IGSF10: variants seen among roughly 807,000 people sequenced by gnomAD.
The protein encoded by IGSF10 is calvaria mechanical force protein 608.
In IGSF10, 126 loss-of-function variants were observed where a neutral mutation model predicts 128.2. The observed-to-expected ratio is 0.98, with a 90% CI of 0.85 to 1.14. The LOEUF (loss-of-function observed/expected upper bound fraction) is 1.14, where lower values mean the gene tolerates loss of function less well. IGSF10 is among the 50% of genes most tolerant of loss of function. The pLI is 0.00. For missense variants in IGSF10, 3,295 were observed against 3,149.8 expected (o/e 1.05, Z -1.10); for synonymous variants, 1,185 against 1,146.2 (o/e 1.03, Z -0.68).
the IGSF10 span, among the ~76,000 whole-genome samples, chr3:151,553,626 C>G: frequency 8.2e-5 from 12 of 146,384 alleles, no homozygotes; most frequent in African/African-American, 3.0e-4. Flanking sequence ...CTCTGTCTCT[C>G]TCTCTTTCTA....
At chr3:151,535,509 T>C in the IGSF10 span, among the ~76,000 whole-genome samples, 1 of 152,136 alleles carries the variant, frequency 6.6e-6, no homozygotes, top group Non-Finnish European at 1.5e-5. Context: ...ACTACCTGGG[T>C]GAAGGAATCA....
the IGSF10 span, among the ~76,000 whole-genome samples, chr3:151,479,863 T>C: frequency 6.6e-5 from 10 of 152,214 alleles, no homozygotes; most frequent in Non-Finnish European, 7.3e-5. Flanking sequence ...GTGACATTTC[T>C]AGTCTTATAC....
At chr3:151,615,959 T>C in the IGSF10 span, among the ~76,000 whole-genome samples, 11 of 145,900 alleles carry the variant, frequency 7.5e-5, no homozygotes, top group East Asian at 1.9e-4. Flanking sequence ...GTTTTGTTTT[T>C]TGAGGTTTTT....
chr3:151,590,469 T>C, the IGSF10 span, among the ~76,000 whole-genome samples: 1 of 152,188 alleles, frequency 6.6e-6, no homozygotes, highest in African/African-American at 2.4e-5. Flanking sequence ...ATGCAAGCAT[T>C]ATTGGAATGG....
the IGSF10 span, among the ~76,000 whole-genome samples, chr3:151,557,238 C>T: frequency 6.6e-6 from 1 of 152,138 alleles, no homozygotes; most frequent in African/African-American, 2.4e-5. Flanking sequence ...CTCAAACACC[C>T]TTCCTCTTCA....
At position 151,443,565 on chromosome 3, in the gene IGSF10, A is replaced by G. The variant is rs1720993467; in HGVS notation, c.5382T>C (p.Ser1794=). 1.1e-5 allele frequency: 18 copies of G among 1,614,218 alleles called. No homozygotes were observed. The highest frequency in any genetic ancestry group is 1.5e-5 in the Non-Finnish European group (18 of 1,180,026). The change falls in exon 7 of 8, where the codon AGT becomes AGC. Residue 1794 remains serine, a synonymous_variant. Transcript: ENST00000282466. The part of the protein sequence containing the change: ...QTVVSESSQG[S]RQAVVTVDGT... ...CGTCAACCGTCACCACAGCCTGCCTACTTCCCTGGGATGATTCTGAGACAA... is the reference window on the plus strand; with the variant it reads ...CGTCAACCGTCACCACAGCCTGCCTGCTTCCCTGGGATGATTCTGAGACAA...
the IGSF10 span, among the ~76,000 whole-genome samples, chr3:151,472,235 T>C: frequency 6.6e-6 from 1 of 152,222 alleles, no homozygotes; most frequent in Non-Finnish European, 1.5e-5. Flanking sequence ...CATTTACAGA[T>C]AGACTTCATT....
chr3:151,571,039 G>A, the IGSF10 span, among the ~76,000 whole-genome samples: 10 of 152,258 alleles, frequency 6.6e-5, no homozygotes, highest in African/African-American at 2.2e-4. Context: ...ATGATCAGAT[G>A]GTTGTAGATG....
chr3:151,449,338 G>T, intron 5 of IGSF10, 73 bp from the exon 6 acceptor site: 1 of 1,372,936 alleles, frequency 7.3e-7, no homozygotes, highest in Non-Finnish European at 9.7e-7. Flanking sequence ...TGAAGAAATA[G>T]CTTTTGCTAG....
chr3:151,496,581 T>C, the IGSF10 span, among the ~76,000 whole-genome samples: 1 of 102,234 alleles, frequency 9.8e-6, no homozygotes, highest in Non-Finnish European at 2.0e-5. Flanking sequence ...TCTATCATTG[T>C]TGGACATTTG....
the IGSF10 span, among the ~76,000 whole-genome samples, chr3:151,593,375 G>A: frequency 6.6e-6 from 1 of 152,112 alleles, no homozygotes; most frequent in East Asian, 1.9e-4. Context: ...ACCTCCCAAA[G>A]TGCTGGGATT....
the IGSF10 span, among the ~76,000 whole-genome samples, chr3:151,559,708 G>T: frequency 6.6e-6 from 1 of 152,122 alleles, no homozygotes; most frequent in Admixed American, 6.6e-5. Context: ...GTAGAGGATA[G>T]GGGAGGGTAT....
the IGSF10 span, among the ~76,000 whole-genome samples, chr3:151,556,311 G>A: frequency 6.6e-6 from 1 of 152,128 alleles, no homozygotes; most frequent in South Asian, 2.1e-4. Context: ...TACCCAAAAT[G>A]TATGAAAGTC....
At chr3:151,473,004 T>C in the IGSF10 span, among the ~76,000 whole-genome samples, 2 of 152,190 alleles carry the variant, frequency 1.3e-5, no homozygotes, top group East Asian at 3.8e-4. Context: ...TTGGAGACTT[T>C]AAGATAAAGT....
At chr3:151,618,738 AT>A in the IGSF10 span, among the ~76,000 whole-genome samples, 1 of 150,940 alleles carries the variant, frequency 6.6e-6, no homozygotes, top group Admixed American at 6.6e-5. Flanking sequence ...TCAAAAAAAA[AT>A]AAAAAATAAA....
Position 151,447,989 on chromosome 3 carries a change from C to G in IGSF10, c.1992G>C (p.Met664Ile). 6.2e-7 allele frequency: 1 copy of G among 1,614,176 alleles called. No individual in the cohort carries two copies. Among genetic ancestry groups the G allele is most frequent in the Admixed American group, 1.7e-5 (1 of 60,020 alleles). The change falls in exon 6 of 8, where the codon ATG (methionine) becomes ATC (isoleucine). Residue 664 changes from methionine (M) to isoleucine (I), a missense_variant. Met to Ile is a conservative substitution (Grantham distance 10). Coordinates refer to ENST00000282466, the MANE Select transcript of IGSF10 (RefSeq NM_178822.5). ...DFLIFQVSVK[M>I]KGQRPLEHDG... ...CATGCTCCAAGGGCCTTTGTCCTTTCATCTTGACTGAAACTTGGAAAATCA... is the reference window on the plus strand; with the variant it reads ...CATGCTCCAAGGGCCTTTGTCCTTTGATCTTGACTGAAACTTGGAAAATCA...
chr3:151,548,439 T>C, the IGSF10 span, among the ~76,000 whole-genome samples: 3 of 152,220 alleles, frequency 2.0e-5, no homozygotes, highest in African/African-American at 7.2e-5. Context: ...CCATTCCTAC[T>C]GCGCTCTGCC....
rs775615314 is a variant in IGSF10 at position 151,437,161 on chromosome 3, G to A, written c.7400C>T (p.Thr2467Ile). 1.2e-6 allele frequency: 2 copies of A among 1,614,072 alleles called. No homozygotes were observed. Among genetic ancestry groups the A allele is most frequent in the Admixed American group, 3.3e-5 (2 of 60,018 alleles). The change falls in exon 8 of 8, where the codon ACT becomes ATT. Residue 2467 changes from threonine (T) to isoleucine (I), a missense_variant. By Grantham distance (89) the Thr-to-Ile change is moderately conservative. Coordinates refer to ENST00000282466, the MANE Select transcript of IGSF10 (RefSeq NM_178822.5). Reference protein sequence around the residue: ...DGIPKPNIKWTMPSGYVVDRP... With the variant: ...DGIPKPNIKWIMPSGYVVDRP... ...GTCTACTACATAACCACTTGGCATA[G>A]TCCATTTGATATTTGGCTTAGGGAT...
At chr3:151,603,748 A>T in the IGSF10 span, among the ~76,000 whole-genome samples, 7 of 152,368 alleles carry the variant, frequency 4.6e-5, no homozygotes, top group Non-Finnish European at 1.0e-4. Flanking sequence ...GAGCCAGGAG[A>T]GCTCATGATG....
Sources: gnomAD v4.1 joint callset for allele counts (sites outside exome capture counted in the v4.1 genomes callset) on GRCh38, gnomAD v4.1.1 for gene constraint, MANE v1.5 for transcripts, NCBI Gene and HGNC (gene_info 2026-07-23, HGNC 2026-07-21) for gene names.